The following POLR2B variants were observed in gnomAD, a reference collection of about 807,000 sequenced individuals.
POLR2B encodes the protein RNA polymerase II subunit B, also known as DNA-directed RNA polymerase II subunit RPB2.
In POLR2B, 57 loss-of-function variants were observed where a neutral mutation model predicts 144.6. That is an observed-to-expected ratio of 0.39 (90% CI 0.32 to 0.49). The LOEUF (loss-of-function observed/expected upper bound fraction) is 0.49, where lower values mean the gene tolerates loss of function less well. Among genes scored for constraint, POLR2B ranks in the 20% least tolerant of loss-of-function variants. The pLI, the probability that POLR2B is intolerant of heterozygous loss-of-function variation, is 0.83. For synonymous variants in POLR2B, 442 were observed against 469.8 expected, an observed-to-expected ratio of 0.94 and a Z score of 0.77; for missense variants, 595 against 1,467.4, an observed-to-expected ratio of 0.41 and a Z score of 9.71.
rs187259925 is a variant in POLR2B, at chr4:56,993,116, C to T, written c.244-1288C>T. ...GCCAGGAGTTTGAGACCATCCTGGC[C>T]AGCTTGGTGAAGCCCCATCTCTACC... is the stretch of plus-strand genomic sequence containing the variant. On this transcript the variant is annotated intron_variant, in intron 3 of 24. Transcript: ENST00000314595. 3.3e-5 allele frequency among the ~76,000 whole-genome samples: 5 copies of T among 151,836 alleles called. No homozygotes were observed. In the East Asian group the frequency reaches 9.9e-4, roughly 30 times the overall value.
intron 3 of POLR2B, among the ~76,000 whole-genome samples, chr4:56,992,351 G>T (rs1722536640): frequency 6.8e-6 from 1 of 147,614 alleles, no homozygotes; most frequent in South Asian, 2.2e-4. Flanking sequence ...TGTAGTCCCA[G>T]CTACTAGGGA....
intron 10 of POLR2B, among the ~76,000 whole-genome samples, chr4:57,007,273 G>A (rs939019251): frequency 6.6e-5 from 10 of 152,226 alleles, no homozygotes; most frequent in African/African-American, 2.2e-4. Context: ...AGCTGGGCAT[G>A]GTGGTGGGTG....
chr4:57,003,473 G>A (rs1722916091), intron 7 of POLR2B, among the ~76,000 whole-genome samples: 2 of 152,090 alleles, frequency 1.3e-5, no homozygotes, highest in Non-Finnish European at 2.9e-5. Context: ...GCTCACGCCT[G>A]TAATCCCAGC....
intron 23 of POLR2B, among the ~76,000 whole-genome samples, chr4:57,028,036 C>G (rs1723781194): frequency 6.6e-6 from 1 of 152,158 alleles, no homozygotes; most frequent in African/African-American, 2.4e-5. Context: ...CAAAGACTTA[C>G]TTTTTTCGTT....
At chr4:57,012,729 A>G (rs985608584) in intron 13 of POLR2B, among the ~76,000 whole-genome samples, 1 of 152,136 alleles carries the variant, frequency 6.6e-6, no homozygotes, top group African/African-American at 2.4e-5. Context: ...GAGTGTTGCT[A>G]TCTTAGCTCA....
intron 1 of POLR2B, chr4:56,986,152 C>A: frequency 1.8e-6 from 1 of 566,976 alleles, no homozygotes. Flanking sequence ...TTCTAATAAA[C>A]CTCTTTTTAT....
intron 13 of POLR2B, among the ~76,000 whole-genome samples, chr4:57,014,452 C>T (rs1228537218): frequency 6.6e-6 from 1 of 151,342 alleles, no homozygotes; most frequent in Non-Finnish European, 1.5e-5. Flanking sequence ...ACCTTTGCCT[C>T]ACAAAGTGTT....
chr4:56,992,446 G>C (rs1722541124), intron 3 of POLR2B, among the ~76,000 whole-genome samples: 1 of 106,754 alleles, frequency 9.4e-6, no homozygotes, highest in Non-Finnish European at 1.7e-5. Flanking sequence ...GCCTGGGCGA[G>C]AGGTCGAGAC....
At chr4:56,988,711 G>T (rs140834539) in intron 2 of POLR2B, among the ~76,000 whole-genome samples, 2 of 152,102 alleles carry the variant, frequency 1.3e-5, no homozygotes, top group Non-Finnish European at 2.9e-5. Context: ...AAACAAATTG[G>T]CTGTAGAAGA....
chr4:56,990,695 A>C, intron 2 of POLR2B, 53 bp from the exon 3 acceptor site: 1 of 1,449,546 alleles, frequency 6.9e-7, no homozygotes, highest in Non-Finnish European at 9.4e-7. Flanking sequence ...ATGGGGAATT[A>C]TGCTAGAAAT....
At chr4:56,990,934 G>C in intron 3 of POLR2B, 36 bp downstream of exon 3, 1 of 1,559,964 alleles carries the variant, frequency 6.4e-7, no homozygotes, top group Non-Finnish European at 8.7e-7. Flanking sequence ...GGTACAAGAA[G>C]CGTATTGGTT....
In POLR2B at chr4:57,010,440, T is replaced by C; in HGVS notation, c.1484T>C (p.Leu495Pro). Residue 495 changes from leucine (L) to proline (P), a missense_variant, in exon 11 of 25, where the codon CTA (leucine) becomes CCA (proline). By Grantham distance (98) the Leu-to-Pro change is moderately conservative. Transcript: ENST00000314595. ...TCTCCTATTGGTAGAGACGGCAAGC[T>C]AGCAAAACCAAGACAGTTGCATAAT... ...LNSPIGRDGK[L>P]AKPRQLHNTL... 1 of 1,614,088 alleles carries C rather than the reference T, an allele frequency of 6.2e-7. No individual in the cohort carries two copies.
intron 16 of POLR2B, among the ~76,000 whole-genome samples, chr4:57,019,346 C>T (rs1416589100): frequency 6.6e-6 from 1 of 151,840 alleles, no homozygotes; most frequent in African/African-American, 2.4e-5. Context: ...TTATTCCTGA[C>T]TTCATCATGG....
At chr4:57,021,458 G>A (rs1227305211) in intron 17 of POLR2B, among the ~76,000 whole-genome samples, 1 of 150,112 alleles carries the variant, frequency 6.7e-6, no homozygotes, top group Non-Finnish European at 1.5e-5. Context: ...GAACTCAGAG[G>A]ACAGATACTA....
intron 14 of POLR2B, among the ~76,000 whole-genome samples, chr4:57,015,902 G>T (rs913562510): frequency 1.3e-5 from 2 of 152,186 alleles, no homozygotes; most frequent in Non-Finnish European, 1.5e-5. Context: ...GGGATTACAG[G>T]TGTGTGCCAC....
intron 7 of POLR2B, among the ~76,000 whole-genome samples, chr4:57,000,784 C>G (rs987986922): frequency 1.3e-5 from 2 of 151,476 alleles, no homozygotes; most frequent in African/African-American, 4.8e-5. Context: ...CAACCTCCGT[C>G]TCCCAGGTTC....
intron 7 of POLR2B, among the ~76,000 whole-genome samples, chr4:57,003,016 A>T (rs1363838671): frequency 6.6e-6 from 1 of 152,230 alleles, no homozygotes; most frequent in Non-Finnish European, 1.5e-5. Context: ...GAGAACTGGT[A>T]TGGAACTTAG....
chr4:57,030,365 C>T lies in POLR2B; in HGVS notation c.3401C>T (p.Thr1134Ile), dbSNP rs759034533. ...GCGATTGCCAACACCAGGACCCATACATATGAATGCAGGGGCTGCCGCAAT... is the reference window on the plus strand; with the variant it reads ...GCGATTGCCAACACCAGGACCCATATATATGAATGCAGGGGCTGCCGCAAT... ...IMAIANTRTH[T>I]YECRGCRNKT... The change falls in exon 24 of 25, where the codon ACA becomes ATA. Residue 1134 changes from threonine (T) to isoleucine (I), a missense_variant. Physicochemically the swap from Thr to Ile is moderately conservative, Grantham distance 89 (BLOSUM62 -1). Coordinates refer to ENST00000314595, the MANE Select transcript of POLR2B (RefSeq NM_000938.3). 9 of 1,613,238 alleles carry T rather than the reference C, an allele frequency of 5.6e-6. No individual in the cohort carries two copies. In the East Asian group the frequency reaches 1.3e-4, roughly 24 times the overall value.
At chr4:57,007,230 C>T (rs1313720210) in intron 10 of POLR2B, among the ~76,000 whole-genome samples, 4 of 151,992 alleles carry the variant, frequency 2.6e-5, no homozygotes, top group South Asian at 2.1e-4. Context: ...GCCAACATGG[C>T]GAAACCCCAT....
Sources: allele counts gnomAD v4.1 joint callset (sites outside exome capture counted in the v4.1 genomes callset), GRCh38; gene constraint gnomAD v4.1.1; transcripts MANE v1.5; gene names NCBI Gene and HGNC (gene_info 2026-07-23, HGNC 2026-07-21).